The following ADPRHL1 variants were observed in gnomAD, a reference collection of about 807,000 sequenced individuals.
The protein encoded by ADPRHL1 is ADP-ribosylhydrolase like 1, also known as inactive ADP-ribosyltransferase ARH2.
Under a neutral mutation model 44.1 loss-of-function variants are expected in ADPRHL1, and 43 were observed. That is an observed-to-expected ratio of 0.98 (90% CI 0.76 to 1.26). The LOEUF is 1.26. ADPRHL1 is among the 50% of genes most tolerant of loss of function. ADPRHL1 has a pLI of 0.00. For missense variants in ADPRHL1, 2,022 were observed against 2,496.9 expected, an observed-to-expected ratio of 0.81 and a Z score of 4.05; for synonymous variants, 878 against 1,017.4, an observed-to-expected ratio of 0.86 and a Z score of 2.61.
In ADPRHL1 at chr13:113,399,680, A is replaced by C. The variant is rs2043742002; in HGVS notation, c.*3698T>G. On this transcript the variant is annotated 3_prime_UTR_variant, in exon 8 of 8. Coordinates refer to ENST00000612156, the MANE Select transcript of ADPRHL1 (RefSeq NM_001394807.1). ...GAATGATGTTAGTAAAAATACAGAG[A>C]GAATACAACAAATGACATTTAGTAA... The C allele has an allele frequency of 6.6e-6, 1 of 152,120 alleles. No individual in the cohort carries two copies. The highest frequency in any genetic ancestry group is 1.5e-5 in the Non-Finnish European group (1 of 67,978). The allele number at this position is 152,120 out of a possible 1,614,324, so 9.4% of individuals were successfully genotyped here. A position where few individuals can be genotyped will look rare whatever the true frequency, so the allele number is the denominator to read the frequency against.
At position 113,403,712 on chromosome 13, in the gene ADPRHL1, G is replaced by A; in HGVS notation, c.5570C>T (p.Pro1857Leu). 1 of 1,232,032 alleles carries A rather than the reference G, an allele frequency of 8.1e-7. No individual in the cohort carries two copies. The highest frequency in any genetic ancestry group is 1.0e-6 in the Non-Finnish European group (1 of 988,264). The allele number at this position is 1,232,032 out of a possible 1,614,324, so 76.3% of individuals were successfully genotyped here. A position where few individuals can be genotyped will look rare whatever the true frequency, so the allele number is the denominator to read the frequency against. ...GQSGGSGLGEPSAGYPPPGSR... is the reference protein window; with the variant it reads ...GQSGGSGLGELSAGYPPPGSR... ...TCCTGGGGGTGGGTACCCGGCGCTG[G>A]GCTCCCCCAGGCCACTGCCCCCTGA... Residue 1857 changes from proline to leucine, a missense_variant, in exon 8 of 8, where the codon CCC becomes CTC. By Grantham distance (98) the Pro-to-Leu change is moderately conservative (BLOSUM62 -3). Around this residue, in one of 8 missense-constraint regions of ADPRHL1, gnomAD observed 205 missense variants for 250.1 expected, o/e 0.82. Transcript: ENST00000612156.
Position 113,405,497 on chromosome 13 carries a change from C to T in ADPRHL1, c.3785G>A (p.Gly1262Glu). ...CCTAGGATGATCAGAAGCAGGAATT[C>T]CAGACTCTGTGCTGAAACCCAAAAG... ...GNLLGFSTES[G>E]IPASDHPRPQ... Residue 1262 changes from glycine to glutamate, a missense_variant, in exon 8 of 8, where the codon GGA becomes GAA. Gly to Glu is a moderately conservative substitution (Grantham distance 98). Coordinates refer to ENST00000612156, the MANE Select transcript of ADPRHL1 (RefSeq NM_001394807.1). 4.1e-6 allele frequency: 5 copies of T among 1,232,002 alleles called. No homozygotes were observed. Among genetic ancestry groups the T allele is most frequent in the Non-Finnish European group, 4.0e-6 (4 of 988,148 alleles). 76.3% of individuals were successfully genotyped at this position (1,232,002 alleles called of 1,614,324 possible).
At chr13:113,450,784 G>GGT (rs1423792964) in intron 1 of ADPRHL1, among the ~76,000 whole-genome samples, 1 of 152,208 alleles carries the variant, frequency 6.6e-6, no homozygotes, top group African/African-American at 2.4e-5. Context: ...GGCAGAGCCA[G>GGT]GTGTACAGGA....
In ADPRHL1 at chr13:113,405,917, C is replaced by T; in HGVS notation, c.3365G>A (p.Ser1122Asn). ...GAMAAAGSVA[S>N]RATPAPAPGS... ...TGGCGCTGGTGCAGGCGTGGCGCGG[C>T]TCGCAACGCTCCCTGCAGCTGCCAT... The change falls in exon 8 of 8, where the codon AGC becomes AAC. Residue 1122 changes from serine (S) to asparagine (N), a missense_variant. Coordinates refer to ENST00000612156, the MANE Select transcript of ADPRHL1 (RefSeq NM_001394807.1). 1 of 1,232,062 alleles carries T rather than the reference C, an allele frequency of 8.1e-7. No individual in the cohort carries two copies. Among genetic ancestry groups the T allele is most frequent in the South Asian group, 4.1e-5 (1 of 24,326 alleles). The allele number at this position is 1,232,062 out of a possible 1,614,324, so 76.3% of individuals were successfully genotyped here.
Position 113,441,568 on chromosome 13 carries a change from C to A in ADPRHL1, c.379+2857G>T, listed in dbSNP as rs1282591492. Reference sequence around the variant, plus strand: ...CTTCGTGCTATTGTTGTTGTACATTCTACTTATATTTTATAAACCATACCG... The same window carrying A: ...CTTCGTGCTATTGTTGTTGTACATTATACTTATATTTTATAAACCATACCG... On this transcript the variant is annotated intron_variant, in intron 2 of 7. Transcript: ENST00000612156. This position sits in a 1 kb window ranked among gnomAD's most constrained non-coding sequence, Gnocchi z 6.0. Among the ~76,000 whole-genome samples the A allele has an allele frequency of 6.6e-6, 1 of 152,150 alleles. No homozygotes were observed. The highest frequency in any genetic ancestry group is 2.4e-5 in the African/African-American group (1 of 41,432).
chr13:113,424,884 C>A (rs61968972), intron 5 of ADPRHL1, among the ~76,000 whole-genome samples, 168 bp downstream of exon 5: 2,366 of 135,892 alleles, frequency 0.017, 36 homozygotes, highest in South Asian at 0.043. Flanking sequence ...ATTTACTTAC[C>A]CATCCATTCA....
At chr13:113,410,253 C>T (rs954025588) in intron 7 of ADPRHL1, among the ~76,000 whole-genome samples, 1 of 152,168 alleles carries the variant, frequency 6.6e-6, no homozygotes, top group Admixed American at 6.5e-5. Flanking sequence ...GAGAGTGTGC[C>T]GTTCGCCCCC....
chr13:113,424,602 A>C (rs745556854), intron 5 of ADPRHL1, among the ~76,000 whole-genome samples: 11 of 144,048 alleles, frequency 7.6e-5, no homozygotes, highest in African/African-American at 2.8e-4. Flanking sequence ...TTACAGGCGT[A>C]CACCAGCACA....
Position 113,409,432 on chromosome 13 carries a change from T to C in ADPRHL1, c.1062-1212A>G, listed in dbSNP as rs147133598. ...AGTATTACAGGAAAAGTCGCCTTCA[T>C]GGTGCCGTTTATAATGTTGAAAAAT... On this transcript the variant is annotated intron_variant, in intron 7 of 7. Transcript: ENST00000612156. The surrounding 1 kb of genome is among the most constrained non-coding windows in gnomAD (Gnocchi z 4.2). 2 of 985,412 alleles carry C rather than the reference T, an allele frequency of 2.0e-6. No individual in the cohort carries two copies. Among genetic ancestry groups the C allele is most frequent in the African/African-American group, 3.5e-5 (2 of 57,354 alleles). The allele number at this position is 985,412 out of a possible 1,614,324, so 61.0% of individuals were successfully genotyped here.
intron 7 of ADPRHL1, among the ~76,000 whole-genome samples, chr13:113,414,688 T>G (rs1347421330): frequency 6.6e-6 from 1 of 151,324 alleles, no homozygotes; most frequent in Non-Finnish European, 1.5e-5. Flanking sequence ...TGTTTTTTTT[T>G]TTTTTTAGAT....
chr13:113,444,351 TG>T, intron 2 of ADPRHL1, 73 bp downstream of exon 2: 1 of 1,548,476 alleles, frequency 6.5e-7, no homozygotes, highest in Non-Finnish European at 8.8e-7. Context: ...TGGGGGTTAG[TG>T]GAAGGCAGAT....
At chr13:113,437,391 A>G (rs1189728410) in intron 2 of ADPRHL1, among the ~76,000 whole-genome samples, 1 of 151,996 alleles carries the variant, frequency 6.6e-6, no homozygotes, top group African/African-American at 2.4e-5. Flanking sequence ...GGGTGAACAC[A>G]GGTGTACCCC....
Position 113,402,182 on chromosome 13 carries a change from G to A in ADPRHL1, c.*1196C>T, listed in dbSNP as rs970675476. ...CACGCTGAAAATCCAGCTGCTCCGG[G>A]GCCACTCAGGCAGCCGTGTGGCCTC... On this transcript the variant is annotated 3_prime_UTR_variant, in exon 8 of 8. Coordinates refer to ENST00000612156, the MANE Select transcript of ADPRHL1 (RefSeq NM_001394807.1). The A allele has an allele frequency of 3.3e-5, 5 of 152,258 alleles. No individual in the cohort carries two copies. The highest frequency in any genetic ancestry group is 3.3e-4 in the Admixed American group (5 of 15,280). 9.4% of individuals were successfully genotyped at this position (152,258 alleles called of 1,614,324 possible). A position where few individuals can be genotyped will look rare whatever the true frequency, so the allele number is the denominator to read the frequency against.
chr13:113,414,062 G>A (rs545758507), intron 7 of ADPRHL1, among the ~76,000 whole-genome samples: 23 of 152,374 alleles, frequency 1.5e-4, no homozygotes, highest in Admixed American at 5.9e-4. Flanking sequence ...TGCCCAGTCA[G>A]TGGCTGTGCT....
rs969991768 is a variant in ADPRHL1, at chr13:113,441,192, G to A, written c.379+3233C>T. 5.3e-5 allele frequency among the ~76,000 whole-genome samples: 8 copies of A among 152,104 alleles called. No individual in the cohort carries two copies. Among genetic ancestry groups the A allele is most frequent in the African/African-American group, 7.2e-5 (3 of 41,414 alleles). Reference sequence around the variant, plus strand: ...GTTTCTTATAAGCAGCACATAGTTGGGGGCTGGGACCTGCTTCTTTATCTA... The same window carrying A: ...GTTTCTTATAAGCAGCACATAGTTGAGGGCTGGGACCTGCTTCTTTATCTA... On this transcript the variant is annotated intron_variant, in intron 2 of 7. Coordinates refer to ENST00000612156, the MANE Select transcript of ADPRHL1 (RefSeq NM_001394807.1). The surrounding 1 kb of genome is among the most constrained non-coding windows in gnomAD (Gnocchi z 6.0).
chr13:113,429,022 C>G lies in ADPRHL1; in HGVS notation c.576G>C (p.Trp192Cys), dbSNP rs758114074. 14 of 1,612,780 alleles carry G rather than the reference C, an allele frequency of 8.7e-6. No individual in the cohort carries two copies. The Admixed American group carries it at 1.8e-4, about 21-fold the overall frequency. Residue 192 changes from tryptophan (W) to cysteine (C), a missense_variant, in exon 4 of 8, where the codon TGG becomes TGC. Transcript: ENST00000612156. Reference protein sequence around the residue: ...FAAQGKPLVQWGRDMLRAVPL... With the variant: ...FAAQGKPLVQCGRDMLRAVPL... ...GCACCGCCCGCAGCATGTCTCTCCC[C>G]CACTGGACCAGGGGCTTTCCTTGTG... is the stretch of plus-strand genomic sequence containing the variant.
In ADPRHL1 at chr13:113,401,918, C is replaced by G. The variant is rs2043764967; in HGVS notation, c.*1460G>C. The stretch of plus-strand genomic sequence containing the variant: ...TGGGTAGGACGCGCCTGCTGAACGC[C>G]CTCTCAGGGCCGACACTGGAAAACA... On this transcript the variant is annotated 3_prime_UTR_variant, in exon 8 of 8. Transcript: ENST00000612156. This position sits in a 1 kb window ranked among gnomAD's most constrained non-coding sequence, Gnocchi z 5.5. 6.6e-6 allele frequency: 1 copy of G among 152,264 alleles called. No homozygotes were observed. Among genetic ancestry groups the G allele is most frequent in the Admixed American group, 6.5e-5 (1 of 15,286 alleles). 9.4% of individuals were successfully genotyped at this position (152,264 alleles called of 1,614,324 possible).
rs987809212 is a variant in ADPRHL1, at chr13:113,404,861, C to T, written c.4421G>A (p.Gly1474Glu). ...CGGGCTTCCCGGCCCCTCGGGCTCC[C>T]CTGGAGGCACAGCTGGGTTCCTGGC... is the stretch of plus-strand genomic sequence containing the variant. ...RAARNPAVPP[G>E]EPEGPGSPAA... Residue 1474 changes from glycine (G) to glutamate (E), a missense_variant, in exon 8 of 8, where the codon GGG becomes GAG. Around this residue, in one of 8 missense-constraint regions of ADPRHL1, gnomAD observed 1,221 missense variants for 1,517.8 expected, o/e 0.80. Coordinates refer to ENST00000612156, the MANE Select transcript of ADPRHL1 (RefSeq NM_001394807.1). The T allele has an allele frequency of 2.4e-6, 3 of 1,247,170 alleles. No homozygotes were observed. The African/African-American group carries it at 4.6e-5, about 19-fold the overall frequency. 77.3% of individuals were successfully genotyped at this position (1,247,170 alleles called of 1,614,324 possible). A position where few individuals can be genotyped will look rare whatever the true frequency, so the allele number is the denominator to read the frequency against.
At chr13:113,412,809 A>ACCCCG (rs1566467699) in intron 7 of ADPRHL1, among the ~76,000 whole-genome samples, 2 of 41,036 alleles carry the variant, frequency 4.9e-5, no homozygotes, top group African/African-American at 1.1e-4. Flanking sequence ...CGCCAACAGC[A>ACCCCG]CCCCGCAGAA....
Sources: gnomAD v4.1 joint callset for allele counts (sites outside exome capture counted in the v4.1 genomes callset) on GRCh38, gnomAD v4.1.1 for gene constraint, gnomAD v4.1.1 regional missense constraint, Gnocchi (gnomAD v3.1) non-coding constraint, MANE v1.5 for transcripts, NCBI Gene and HGNC (gene_info 2026-07-23, HGNC 2026-07-21) for gene names.